CLASP1: variants seen among roughly 807,000 people sequenced by gnomAD.
CLASP1 encodes CLIP-associating protein 1.
CLASP1 carries 38 observed loss-of-function variants against 192.3 expected under a neutral mutation model. That is an observed-to-expected ratio of 0.20 (90% CI 0.15 to 0.26). The LOEUF (loss-of-function observed/expected upper bound fraction) is 0.26, where lower values mean the gene tolerates loss of function less well. Among genes scored for constraint, CLASP1 ranks in the 10% least tolerant of loss-of-function variants. CLASP1 has a pLI of 1.00. For synonymous variants in CLASP1, 691 were observed against 712.8 expected (o/e 0.97, Z 0.49); for missense variants, 1,433 against 1,932.5 (o/e 0.74, Z 4.85).
At chr2:121,495,094 G>A (rs2093473205) in intron 8 of CLASP1, among the ~76,000 whole-genome samples, 1 of 151,914 alleles carries the variant, frequency 6.6e-6, no homozygotes, top group Non-Finnish European at 1.5e-5. Flanking sequence ...AGGCCGAGGC[G>A]GGCGGATCAC....
intron 37 of CLASP1, among the ~76,000 whole-genome samples, chr2:121,355,491 G>C (rs1388892037): frequency 1.3e-5 from 2 of 152,224 alleles, no homozygotes; most frequent in African/African-American, 4.8e-5. Context: ...TAAAATGTCA[G>C]AAGCTGCACA....
intron 2 of CLASP1, among the ~76,000 whole-genome samples, chr2:121,591,518 C>T (rs1261574713): frequency 6.6e-6 from 1 of 152,150 alleles, no homozygotes; most frequent in African/African-American, 2.4e-5. Context: ...TCAATGGCTT[C>T]GATTGCCCTG....
chr2:121,635,394 TA>T (rs755202764), intron 1 of CLASP1, among the ~76,000 whole-genome samples: 13 of 152,098 alleles, frequency 8.5e-5, no homozygotes, highest in Non-Finnish European at 1.6e-4. Flanking sequence ...AAATGTCTTC[TA>T]AAAAAGACAA....
intron 7 of CLASP1, among the ~76,000 whole-genome samples, chr2:121,513,448 GAGA>G (rs981518795): frequency 3.3e-5 from 5 of 151,376 alleles, no homozygotes; most frequent in African/African-American, 9.7e-5. Flanking sequence ...TTTTTTTAAA[GAGA>G]AGAAGGAGGG....
At position 121,558,688 on chromosome 2, in the gene CLASP1, C is replaced by T. The variant is rs565151277; in HGVS notation, c.196-28363G>A. Among the ~76,000 whole-genome samples, 7 of 152,218 alleles carry T rather than the reference C, an allele frequency of 4.6e-5. No individual in the cohort carries two copies. The East Asian group carries it at 7.7e-4, about 17-fold the overall frequency. ...TTGACTCTGGACTTCTTGGCCCTCA[C>T]GCCTATAAGAAAAAAATTCCTTTTT... On this transcript the variant is annotated intron_variant, in intron 2 of 39. Transcript: ENST00000263710.
intron 21 of CLASP1, among the ~76,000 whole-genome samples, 161 bp from the exon 22 acceptor site, chr2:121,425,467 G>A (rs758839638): frequency 2.0e-5 from 3 of 152,056 alleles, no homozygotes; most frequent in Admixed American, 6.6e-5. Flanking sequence ...AAATGTAGGA[G>A]CATAAAAGAC....
intron 37 of CLASP1, among the ~76,000 whole-genome samples, chr2:121,362,101 T>A (rs2066523487): frequency 6.6e-6 from 1 of 152,254 alleles, no homozygotes; most frequent in Non-Finnish European, 1.5e-5. Flanking sequence ...ATAATTCCCT[T>A]CATCCACGAG....
At chr2:121,628,099 T>C (rs540202011) in intron 1 of CLASP1, among the ~76,000 whole-genome samples, 20 of 152,316 alleles carry the variant, frequency 1.3e-4, no homozygotes, top group African/African-American at 4.6e-4. Flanking sequence ...ATAAGCTATA[T>C]TAGGACACTG....
chr2:121,474,250 A>C lies in CLASP1; in HGVS notation c.713-4290T>G, dbSNP rs138897358. Among the ~76,000 whole-genome samples, 111 of 152,332 alleles carry C rather than the reference A, an allele frequency of 7.3e-4. 1 individual carries two copies. Among genetic ancestry groups the C allele is most frequent in the African/African-American group, 2.5e-3 (102 of 41,574 alleles). On this transcript the variant is annotated intron_variant, in intron 8 of 39. Transcript: ENST00000263710. ...CTAGATGACACACACAAAACTATACAGGAAGTAAGGCACAGGGAAGGCATG... is the reference window on the plus strand; with the variant it reads ...CTAGATGACACACACAAAACTATACCGGAAGTAAGGCACAGGGAAGGCATG...
chr2:121,458,963 T>C (rs147641299), exon 13 of CLASP1: 3 of 1,602,546 alleles, frequency 1.9e-6, no homozygotes, highest in Admixed American at 1.7e-5. Context: ...TCCCCAGAAC[T>C]GATGACAGAT....
At chr2:121,594,065 G>A (rs1559714273) in intron 2 of CLASP1, among the ~76,000 whole-genome samples, 1 of 151,966 alleles carries the variant, frequency 6.6e-6, no homozygotes, top group South Asian at 2.1e-4. Flanking sequence ...TTGGGAGGCC[G>A]AGGCGGGTGG....
chr2:121,508,722 C>T (rs1376197684), intron 7 of CLASP1, among the ~76,000 whole-genome samples: 1 of 152,154 alleles, frequency 6.6e-6, no homozygotes, highest in Non-Finnish European at 1.5e-5. Flanking sequence ...ACTGGGGGTA[C>T]ATGCCACCAC....
chr2:121,485,719 A>C (rs1559396648), intron 8 of CLASP1, among the ~76,000 whole-genome samples: 1 of 152,072 alleles, frequency 6.6e-6, no homozygotes. Context: ...AAGAAAAAAA[A>C]GAATTAGGGC....
At chr2:121,371,685 G>A (rs889065808) in intron 34 of CLASP1, among the ~76,000 whole-genome samples, 8 of 152,066 alleles carry the variant, frequency 5.3e-5, no homozygotes, top group South Asian at 2.1e-4. Context: ...GTGGGAACAC[G>A]CTCTACTTCC....
intron 16 of CLASP1, among the ~76,000 whole-genome samples, chr2:121,450,125 A>T (rs1317220117): frequency 6.6e-6 from 1 of 152,048 alleles, no homozygotes; most frequent in Non-Finnish European, 1.5e-5. Flanking sequence ...AGGTCAGGAG[A>T]TCGAGACTAT....
chr2:121,613,871 G>A (rs1182971785), intron 1 of CLASP1, among the ~76,000 whole-genome samples: 1 of 152,148 alleles, frequency 6.6e-6, no homozygotes, highest in African/African-American at 2.4e-5. Flanking sequence ...CTACGAGGTG[G>A]CTGGGCTCAG....
Position 121,492,161 on chromosome 2 carries a change from G to A in CLASP1, c.712+11006C>T, listed in dbSNP as rs138124293. On this transcript the variant is annotated intron_variant, in intron 8 of 39. Coordinates refer to ENST00000263710, the Ensembl canonical transcript of CLASP1. ...TCCCAGCACTTTGGGAGGCCGAGGCGGGTAGATCACGAGGTCAGGAGATCG... is the reference window on the plus strand; with the variant it reads ...TCCCAGCACTTTGGGAGGCCGAGGCAGGTAGATCACGAGGTCAGGAGATCG... Among the ~76,000 whole-genome samples, 751 of 152,088 alleles carry A rather than the reference G, an allele frequency of 4.9e-3. 8 individuals carry two copies. Among genetic ancestry groups the A allele is most frequent in the African/African-American group, 0.018 (726 of 41,480 alleles).
At chr2:121,584,800 A>T (rs765866925) in intron 2 of CLASP1, among the ~76,000 whole-genome samples, 19 of 152,158 alleles carry the variant, frequency 1.2e-4, no homozygotes, top group Non-Finnish European at 2.2e-4. Context: ...AAAATGACAA[A>T]TAAACTGTTT....
At chr2:121,427,822 A>G (rs2149621235) in intron 20 of CLASP1, among the ~76,000 whole-genome samples, 1 of 152,290 alleles carries the variant, frequency 6.6e-6, no homozygotes, top group East Asian at 1.9e-4. Context: ...AACTAGTTTC[A>G]CCTGTCCTGA....
Sources: allele counts gnomAD v4.1 joint callset (sites outside exome capture counted in the v4.1 genomes callset), GRCh38; gene constraint gnomAD v4.1.1; transcripts MANE v1.5; gene names NCBI Gene and HGNC (gene_info 2026-07-23, HGNC 2026-07-21).